RARB: variants seen among roughly 807,000 people sequenced by gnomAD.
RARB encodes the protein HBV-activated protein.
Under a neutral mutation model 51.9 loss-of-function variants are expected in RARB, and 17 were observed. The observed-to-expected ratio is 0.33, with a 90% confidence interval of 0.22 to 0.49. The LOEUF is 0.49. Among genes scored for constraint, RARB ranks in the 20% least tolerant of loss-of-function variants. RARB has a pLI of 0.99. For missense variants in RARB, 369 were observed against 550.8 expected (o/e 0.67, Z 3.30); for synonymous variants, 215 against 195.4 (o/e 1.10, Z -0.84).
intron 1 of RARB, among the ~76,000 whole-genome samples, chr3:25,451,012 G>A (rs1327448856): frequency 2.0e-5 from 3 of 152,160 alleles, no homozygotes; most frequent in Admixed American, 6.5e-5. Context: ...TCTTGATCCC[G>A]GGAGGCGGAG....
chr3:25,154,660 G>A (rs995283047), intron 4 of RARB, among the ~76,000 whole-genome samples: 1 of 152,210 alleles, frequency 6.6e-6, no homozygotes, highest in East Asian at 1.9e-4. Flanking sequence ...CAAACTACAT[G>A]TGTAGGGTCT....
chr3:25,458,983 C>T (rs1010338693), intron 1 of RARB, among the ~76,000 whole-genome samples: 4 of 152,170 alleles, frequency 2.6e-5, no homozygotes, highest in African/African-American at 9.7e-5. Context: ...TGCCATGTGC[C>T]AGGACCTCTA....
chr3:24,912,265 G>A (rs1177712702), intron 2 of RARB, among the ~76,000 whole-genome samples: 2 of 152,130 alleles, frequency 1.3e-5, no homozygotes, highest in Non-Finnish European at 2.9e-5. Context: ...CTTCTTCCAT[G>A]TTTTATCTAT....
intron 5 of RARB, among the ~76,000 whole-genome samples, chr3:25,198,317 C>G (rs1013001372): frequency 6.6e-6 from 1 of 151,932 alleles, no homozygotes; most frequent in African/African-American, 2.4e-5. Flanking sequence ...CACTATGAAA[C>G]AGCTAAAAGA....
intron 3 of RARB, among the ~76,000 whole-genome samples, chr3:25,520,094 C>G (rs1698340819): frequency 6.6e-6 from 1 of 152,168 alleles, no homozygotes; most frequent in African/African-American, 2.4e-5. Context: ...GCTGCTGCCT[C>G]CTTGCTAAAC....
chr3:25,494,398 C>CT (rs527985931), intron 2 of RARB, among the ~76,000 whole-genome samples: 630 of 152,282 alleles, frequency 4.1e-3, no homozygotes, highest in African/African-American at 0.015. Flanking sequence ...TCCAATTCTA[C>CT]TTTTTCCACT....
intron 2 of RARB, among the ~76,000 whole-genome samples, chr3:24,928,927 C>T (rs1426806433): frequency 6.6e-6 from 1 of 151,854 alleles, no homozygotes; most frequent in African/African-American, 2.4e-5. Context: ...TTAGAAATAC[C>T]AAACTTTGAA....
intron 2 of RARB, among the ~76,000 whole-genome samples, chr3:25,024,104 C>T (rs946505800): frequency 2.0e-5 from 3 of 152,160 alleles, no homozygotes; most frequent in Non-Finnish European, 4.4e-5. Context: ...AACATGCTCT[C>T]CAATGAGCCT....
intron 5 of RARB, among the ~76,000 whole-genome samples, chr3:25,267,858 A>G (rs1258148661): frequency 6.6e-6 from 1 of 152,158 alleles, no homozygotes; most frequent in East Asian, 1.9e-4. Flanking sequence ...TTTATTTTCC[A>G]CTGTTTCTGG....
At chr3:24,905,765 T>A (rs998562400) in intron 2 of RARB, among the ~76,000 whole-genome samples, 2 of 152,198 alleles carry the variant, frequency 1.3e-5, no homozygotes, top group Non-Finnish European at 2.9e-5. Context: ...ACTGAGCAGT[T>A]GCACTGGCTA....
chr3:24,878,984 C>A (rs1177352703), intron 2 of RARB, among the ~76,000 whole-genome samples: 1 of 152,094 alleles, frequency 6.6e-6, no homozygotes, highest in Non-Finnish European at 1.5e-5. Flanking sequence ...CTTTGTATAT[C>A]TAATAATATC....
intron 3 of RARB, among the ~76,000 whole-genome samples, chr3:25,090,785 A>G (rs17015784): frequency 0.013 from 1,961 of 152,250 alleles, 42 homozygotes; most frequent in African/African-American, 0.045. Context: ...GAAACAGCCA[A>G]TATACACTTA....
intron 2 of RARB, among the ~76,000 whole-genome samples, chr3:25,033,172 G>A (rs1337452313): frequency 1.3e-5 from 2 of 152,030 alleles, no homozygotes; most frequent in Non-Finnish European, 2.9e-5. Flanking sequence ...CCTTTATTCA[G>A]TTAATATTTA....
At chr3:25,102,935 C>G (rs958917286) in intron 3 of RARB, among the ~76,000 whole-genome samples, 1 of 152,120 alleles carries the variant, frequency 6.6e-6, no homozygotes, top group Non-Finnish European at 1.5e-5. Flanking sequence ...CCTGTAATCC[C>G]AGCTACTTGG....
chr3:25,442,226 C>A (rs531503650), intron 1 of RARB, among the ~76,000 whole-genome samples: 1 of 152,196 alleles, frequency 6.6e-6, no homozygotes, highest in East Asian at 1.9e-4. Context: ...ACCTCCGCCT[C>A]CCGTGTTCAA....
At chr3:25,021,010 A>G (rs145037454) in intron 2 of RARB, among the ~76,000 whole-genome samples, 78 of 152,306 alleles carry the variant, frequency 5.1e-4, no homozygotes, top group African/African-American at 1.4e-3. Context: ...TTCTAGTGGC[A>G]TCATTTTACT....
intron 2 of RARB, among the ~76,000 whole-genome samples, chr3:24,864,825 A>G (rs969020845): frequency 5.9e-5 from 9 of 152,318 alleles, no homozygotes; most frequent in East Asian, 3.9e-4. Flanking sequence ...CCAGAACATC[A>G]AAAGCATTTG....
chr3:25,238,826 A>G (rs1330900191), intron 5 of RARB, among the ~76,000 whole-genome samples: 1 of 152,136 alleles, frequency 6.6e-6, no homozygotes, highest in Non-Finnish European at 1.5e-5. Flanking sequence ...TAAAAATACA[A>G]AAATTAGCCA....
chr3:25,394,893 T>C (rs1338049509), intron 5 of RARB, among the ~76,000 whole-genome samples: 2 of 152,214 alleles, frequency 1.3e-5, no homozygotes, highest in African/African-American at 4.8e-5. Flanking sequence ...TTAGGCCATT[T>C]ACACTCAACA....
Sources: gnomAD v4.1 joint callset for allele counts (sites outside exome capture counted in the v4.1 genomes callset) on GRCh38, gnomAD v4.1.1 for gene constraint, MANE v1.5 for transcripts, NCBI Gene and HGNC (gene_info 2026-07-23, HGNC 2026-07-21) for gene names.